The following ORC4 variants were observed in gnomAD, a reference collection of about 807,000 sequenced individuals.
ORC4 encodes origin recognition complex subunit 4.
In ORC4, 55 loss-of-function variants were observed where a neutral mutation model predicts 63.9. That is an observed-to-expected ratio of 0.86 (90% CI 0.69 to 1.08). The LOEUF (loss-of-function observed/expected upper bound fraction) is 1.08, where lower values mean the gene tolerates loss of function less well. ORC4 is among the 50% of genes least tolerant of loss of function. The pLI is 0.00. For synonymous variants in ORC4, 150 were observed against 168.5 expected (o/e 0.89, Z 0.85); for missense variants, 511 against 504.4 (o/e 1.01, Z -0.13).
chr2:147,959,742 T>A (rs1198052885), intron 4 of ORC4, among the ~76,000 whole-genome samples: 2 of 152,176 alleles, frequency 1.3e-5, no homozygotes, highest in Admixed American at 6.5e-5. Context: ...TATACCTGCA[T>A]GGTTTTTAAA....
intron 1 of ORC4, among the ~76,000 whole-genome samples, chr2:148,003,938 A>G (rs903485837): frequency 3.3e-5 from 5 of 152,298 alleles, no homozygotes; most frequent in Middle Eastern, 6.8e-3. Context: ...AATGTGCAAA[A>G]ATAACAAGCA....
chr2:147,944,620 A>G (rs2105275787), intron 9 of ORC4, among the ~76,000 whole-genome samples: 1 of 151,992 alleles, frequency 6.6e-6, no homozygotes, highest in South Asian at 2.1e-4. Flanking sequence ...TAAATTCAGA[A>G]GTAGCAGAGC....
At chr2:147,955,205 C>G (rs925886567) in intron 7 of ORC4, 142 bp downstream of exon 7, 5 of 628,562 alleles carry the variant, frequency 8.0e-6, no homozygotes, top group Admixed American at 5.7e-5. Context: ...GGTGGGAATA[C>G]AGTGAACATT....
intron 4 of ORC4, among the ~76,000 whole-genome samples, chr2:147,969,634 A>G (rs943138329): frequency 6.6e-6 from 1 of 152,006 alleles, no homozygotes; most frequent in Admixed American, 6.6e-5. Flanking sequence ...GGGGGAAAAA[A>G]CATGAAAAAG....
chr2:147,938,115 T>A (rs553951713), intron 13 of ORC4, 31 bp downstream of exon 13: 1 of 1,436,568 alleles, frequency 7.0e-7, no homozygotes, highest in East Asian at 2.3e-5. Flanking sequence ...TATACTTGTC[T>A]GTAGAAAAAT....
intron 8 of ORC4, chr2:147,951,685 G>A (rs1437289079): frequency 6.6e-6 from 1 of 152,104 alleles, no homozygotes; most frequent in Non-Finnish European, 1.5e-5. Context: ...CCAAGTCTCA[G>A]GTATTATGTT....
At chr2:147,986,855 A>C (rs1411764479) in intron 1 of ORC4, among the ~76,000 whole-genome samples, 1 of 151,928 alleles carries the variant, frequency 6.6e-6, no homozygotes, top group African/African-American at 2.4e-5. Flanking sequence ...ACTAAAACCA[A>C]AAAAAGGTAA....
At chr2:148,015,547 C>T (rs749196744) in intron 1 of ORC4, among the ~76,000 whole-genome samples, 24 of 151,950 alleles carry the variant, frequency 1.6e-4, no homozygotes, top group Non-Finnish European at 3.2e-4. Flanking sequence ...ATCTCCTGAC[C>T]TCGTGATCCG....
chr2:148,011,152 C>G (rs1558880675), intron 1 of ORC4, among the ~76,000 whole-genome samples: 3 of 151,956 alleles, frequency 2.0e-5, no homozygotes, highest in African/African-American at 7.2e-5. Flanking sequence ...GATACCAAAA[C>G]CAGACAACGA....
In ORC4 at chr2:147,933,309, G is replaced by A. The variant is rs980030847; in HGVS notation, c.*2201C>T. 1.3e-5 allele frequency: 2 copies of A among 151,980 alleles called. No homozygotes were observed. Among genetic ancestry groups the A allele is most frequent in the Non-Finnish European group, 2.9e-5 (2 of 67,982 alleles). 9.4% of individuals were successfully genotyped at this position (151,980 alleles called of 1,614,324 possible). ...TGACAATTAAAGCAATTTAAGAGAC[G>A]AAGTTAGCTCAAAACTCTTGCGAAT... On this transcript the variant is annotated 3_prime_UTR_variant, in exon 14 of 14. Transcript: ENST00000392857.
At chr2:147,956,778 G>A (rs1042033414) in intron 6 of ORC4, among the ~76,000 whole-genome samples, 20 of 152,008 alleles carry the variant, frequency 1.3e-4, no homozygotes, top group Non-Finnish European at 2.2e-4. Context: ...TAATAATAGC[G>A]AAGATTAGAA....
chr2:147,960,898 A>T (rs1689553049), intron 4 of ORC4, among the ~76,000 whole-genome samples: 1 of 152,182 alleles, frequency 6.6e-6, no homozygotes, highest in Non-Finnish European at 1.5e-5. Flanking sequence ...AAACAAAAAA[A>T]GGTATTTTCT....
intron 1 of ORC4, among the ~76,000 whole-genome samples, chr2:148,015,674 C>CTT (rs372478805): frequency 2.8e-5 from 4 of 142,470 alleles, no homozygotes; most frequent in African/African-American, 1.0e-4. Context: ...GCATTTCTTG[C>CTT]TTTTTTTTTT....
chr2:147,961,659 T>G (rs1393512566), intron 4 of ORC4, among the ~76,000 whole-genome samples: 1 of 152,142 alleles, frequency 6.6e-6, no homozygotes, highest in African/African-American at 2.4e-5. Context: ...CAAAATGGAA[T>G]GCCATGCAAG....
intron 1 of ORC4, among the ~76,000 whole-genome samples, chr2:147,993,868 A>G (rs1691776537): frequency 6.6e-6 from 1 of 152,188 alleles, no homozygotes; most frequent in African/African-American, 2.4e-5. Context: ...AGGCTCAAAT[A>G]CACTGTTTTA....
At chr2:147,990,521 G>C (rs531580404) in intron 1 of ORC4, among the ~76,000 whole-genome samples, 5 of 152,292 alleles carry the variant, frequency 3.3e-5, no homozygotes, top group African/African-American at 9.6e-5. Flanking sequence ...AACTCTGTTA[G>C]TTCTTCCTAA....
At chr2:147,993,572 C>T (rs1218613439) in intron 1 of ORC4, among the ~76,000 whole-genome samples, 1 of 152,156 alleles carries the variant, frequency 6.6e-6, no homozygotes, top group Non-Finnish European at 1.5e-5. Context: ...TTCTGTTTTG[C>T]TAATGAATAT....
At chr2:148,004,456 C>G (rs1439754054) in intron 1 of ORC4, among the ~76,000 whole-genome samples, 1 of 152,062 alleles carries the variant, frequency 6.6e-6, no homozygotes, top group Admixed American at 6.5e-5. Flanking sequence ...AGAAATAACA[C>G]CATACATCAA....
intron 1 of ORC4, among the ~76,000 whole-genome samples, chr2:148,009,161 T>C (rs1310439815): frequency 1.3e-5 from 2 of 151,442 alleles, no homozygotes; most frequent in Non-Finnish European, 2.9e-5. Context: ...AAACCTCTAA[T>C]AGGTGCACAA....
Sources: gnomAD v4.1 joint callset for allele counts (sites outside exome capture counted in the v4.1 genomes callset) on GRCh38, gnomAD v4.1.1 for gene constraint, MANE v1.5 for transcripts, NCBI Gene and HGNC (gene_info 2026-07-23, HGNC 2026-07-21) for gene names.